Variants in ASMTL observed in about 807,000 individuals in gnomAD.
ASMTL encodes probable bifunctional dTTP/UTP pyrophosphatase/methyltransferase protein.
ASMTL carries 57 observed loss-of-function variants against 60.3 expected under a neutral mutation model. The ratio of observed to expected loss-of-function variants is 0.95; its 90% confidence interval spans 0.76 to 1.18. The LOEUF is 1.18. ASMTL is among the 50% of genes most tolerant of loss of function. The pLI, the probability that ASMTL is intolerant of heterozygous loss-of-function variation, is 0.00. For missense variants in ASMTL, 981 were observed against 852.6 expected (o/e 1.15, Z -1.88); for synonymous variants, 419 against 373.0 (o/e 1.12, Z -1.42).
In ASMTL at chrX:1,439,148, TAAGAAAAC is replaced by T; in HGVS notation, c.226-12_226-5del. 1 of 1,613,948 alleles carries T rather than the reference TAAGAAAAC, an allele frequency of 6.2e-7. No individual in the cohort carries two copies. The highest frequency in any genetic ancestry group is 8.5e-7 in the Non-Finnish European group (1 of 1,179,812). On this transcript the variant is annotated splice_region_variant and splice_polypyrimidine_tract_variant and intron_variant, in intron 2 of 12. Coordinates refer to ENST00000381317, the MANE Select transcript of ASMTL (RefSeq NM_004192.4). ...CGTCGGGGGCCCGCAGGTCTTTCTGTAAGAAAACCAGATTCCGGTTTACCGGTGACGTG... is the reference window on the plus strand; with the variant it reads ...CGTCGGGGGCCCGCAGGTCTTTCTGTCAGATTCCGGTTTACCGGTGACGTG...
Position 1,417,957 on chromosome X carries a change from C to T in ASMTL, c.1522+16G>A, listed in dbSNP as rs761561824. ...GTCTGGAAAAGGTTAGCAGGGTGAACAGGAGGAGGGCTCACCTGCTGCGAA... is the reference window on the plus strand; with the variant it reads ...GTCTGGAAAAGGTTAGCAGGGTGAATAGGAGGAGGGCTCACCTGCTGCGAA... On this transcript the variant is annotated intron_variant, in intron 11 of 12. Coordinates refer to ENST00000381317, the MANE Select transcript of ASMTL (RefSeq NM_004192.4). 2 of 1,595,232 alleles carry T rather than the reference C, an allele frequency of 1.3e-6. No homozygotes were observed.
At chrX:1,442,045 A>G in intron 2 of ASMTL, 141 bp downstream of exon 2, 1 of 907,652 alleles carries the variant, frequency 1.1e-6, no homozygotes, top group Non-Finnish European at 1.7e-6. Context: ...GCATTACATT[A>G]TAACATAGCA....
Position 1,419,031 on chromosome X carries a change from C to T in ASMTL, c.1329G>A (p.Val443=), listed in dbSNP as rs1402516353. The T allele has an allele frequency of 1.9e-6, 3 of 1,611,628 alleles. No individual in the cohort carries two copies. In the South Asian group the frequency reaches 3.3e-5, roughly 18 times the overall value. Reference sequence around the variant, plus strand: ...AGCGGGACAGATTGAAGGCCGTGGCCACCTGGCACGCAGTCAGCTTCGTCA... The same window carrying T: ...AGCGGGACAGATTGAAGGCCGTGGCTACCTGGCACGCAGTCAGCTTCGTCA... ...HGMTKLTACQ[V]ATAFNLSRFS... is the part of the protein sequence containing the mutation. The change falls in exon 10 of 13, where the codon GTG becomes GTA. Residue 443 remains valine, a synonymous_variant. Coordinates refer to ENST00000381317, the MANE Select transcript of ASMTL (RefSeq NM_004192.4).
rs183505745 is a variant in ASMTL at position 1,427,749 on chromosome X, G to T, written c.882C>A (p.Gly294=). 1 of 1,611,040 alleles carries T rather than the reference G, an allele frequency of 6.2e-7. No homozygotes were observed. Among genetic ancestry groups the T allele is most frequent in the Admixed American group, 1.7e-5 (1 of 59,942 alleles). The stretch of plus-strand genomic sequence containing the variant: ...ACACAGGTACCTTGGATAGCATAAA[G>T]CCCTCAATCAGCTCCAGGAGGCGTG... The part of the protein sequence containing the change: ...FPTRLLELIE[G]FMLSKGLLTA... The change falls in exon 7 of 13, where the codon GGC becomes GGA. Residue 294 remains glycine, a synonymous_variant. Coordinates refer to ENST00000381317, the MANE Select transcript of ASMTL (RefSeq NM_004192.4).
rs190953228 is a variant in ASMTL at position 1,406,748 on chromosome X, G to A, written c.1646-3259C>T. On this transcript the variant is annotated intron_variant, in intron 12 of 12. Transcript: ENST00000381317. ...GATTAGTGAATAGATGGTAGATGATGGGTAGGTAGGTAGATGAATGGATAG... is the reference window on the plus strand; with the variant it reads ...GATTAGTGAATAGATGGTAGATGATAGGTAGGTAGGTAGATGAATGGATAG... Among the ~76,000 whole-genome samples, 714 of 151,928 alleles carry A rather than the reference G, an allele frequency of 4.7e-3. 8 individuals carry two copies. Among genetic ancestry groups the A allele is most frequent in the African/African-American group, 0.016 (675 of 41,408 alleles).
chrX:1,443,630 TCGTGGACAGACACC>T (rs1328960516), intron 1 of ASMTL, among the ~76,000 whole-genome samples: 36 of 147,284 alleles, frequency 2.4e-4, no homozygotes, highest in Non-Finnish European at 4.9e-4. Context: ...GACACCGCCA[TCGTGGACAGACACC>T]GCCATCATGG....
chrX:1,443,347 GACACCGCCATCTTGGACAC>G (rs2091157076), intron 1 of ASMTL, among the ~76,000 whole-genome samples: 1 of 41,922 alleles, frequency 2.4e-5, no homozygotes, highest in Non-Finnish European at 7.4e-5. Flanking sequence ...ATCTTGGACA[GACACCGCCATCTTGGACAC>G]ACACCACCAT....
At chrX:1,417,024 C>CA (rs1569532225) in intron 11 of ASMTL, among the ~76,000 whole-genome samples, 1 of 22,916 alleles carries the variant, frequency 4.4e-5, no homozygotes, top group Admixed American at 9.9e-4. Flanking sequence ...CAGAAACACA[C>CA]AGAGACACAG....
chrX:1,404,081 C>A lies in ASMTL; in HGVS notation c.1646-592G>T, dbSNP rs781311735. Among the ~76,000 whole-genome samples the A allele has an allele frequency of 3.1e-5, 4 of 129,572 alleles. No homozygotes were observed. In the South Asian group the frequency reaches 7.5e-4, roughly 24 times the overall value. 85.0% of individuals were successfully genotyped at this position (129,572 alleles called of 152,430 possible). A position where few individuals can be genotyped will look rare whatever the true frequency, so the allele number is the denominator to read the frequency against. ...TGGATGGATGGGTGAATAGATGGTA[C>A]ATGATGGGTAGGTAGGAAGATGAAT... is the stretch of plus-strand genomic sequence containing the variant. On this transcript the variant is annotated intron_variant, in intron 12 of 12. Coordinates refer to ENST00000381317, the MANE Select transcript of ASMTL (RefSeq NM_004192.4).
intron 1 of ASMTL, among the ~76,000 whole-genome samples, chrX:1,449,438 C>A (rs1422166997): frequency 6.6e-6 from 1 of 151,788 alleles, no homozygotes; most frequent in Non-Finnish European, 1.5e-5. Context: ...TCATGGAGAC[C>A]CATGCCTTCT....
upstream of ASMTL, among the ~76,000 whole-genome samples, chrX:1,453,269 C>T (rs1443950484): frequency 9.1e-6 from 1 of 110,490 alleles, no homozygotes; most frequent in Non-Finnish European, 2.0e-5. Context: ...CACCTCCTTG[C>T]CCTCTCCGCC....
intron 12 of ASMTL, among the ~76,000 whole-genome samples, chrX:1,411,438 C>G (rs1357481036): frequency 6.6e-6 from 1 of 152,214 alleles, no homozygotes; most frequent in African/African-American, 2.4e-5. Flanking sequence ...GCTGGTTCAA[C>G]TGTGGAAACC....
intron 12 of ASMTL, among the ~76,000 whole-genome samples, chrX:1,410,636 A>C (rs1355548146): frequency 6.6e-6 from 1 of 151,816 alleles, no homozygotes; most frequent in Non-Finnish European, 1.5e-5. Flanking sequence ...CTGGTCTCGA[A>C]CTCCTGACCT....
rs369249838 is a variant in ASMTL, at chrX:1,427,777, G to A, written c.854C>T (p.Pro285Leu). ...CTCAATCAGCTCCAGGAGGCGTGTC[G>A]GGAACGGAGGCAGGGTCTCCCGAGT... ...HRTRETLPPF[P>L]TRLLELIEGF... The change falls in exon 7 of 13, where the codon CCG becomes CTG. Residue 285 changes from proline (P) to leucine (L), a missense_variant. Coordinates refer to ENST00000381317, the MANE Select transcript of ASMTL (RefSeq NM_004192.4). 1.9e-5 allele frequency: 30 copies of A among 1,612,838 alleles called. No individual in the cohort carries two copies. The highest frequency in any genetic ancestry group is 1.7e-4 in the Middle Eastern group (1 of 6,004).
At chrX:1,448,746 A>G (rs1177039878) in intron 1 of ASMTL, among the ~76,000 whole-genome samples, 38 of 147,118 alleles carry the variant, frequency 2.6e-4, no homozygotes, top group East Asian at 2.5e-3. Flanking sequence ...GACACACACC[A>G]CCATCTTGGA....
chrX:1,423,072 C>A (rs1485362034), intron 8 of ASMTL, among the ~76,000 whole-genome samples: 1 of 152,164 alleles, frequency 6.6e-6, no homozygotes, highest in Non-Finnish European at 1.5e-5. Context: ...CCTCCCTCAG[C>A]CTCCCGAGTA....
chrX:1,440,656 G>T (rs1330591337), intron 2 of ASMTL, among the ~76,000 whole-genome samples: 1 of 152,086 alleles, frequency 6.6e-6, no homozygotes, highest in Non-Finnish European at 1.5e-5. Context: ...TATTACGGTG[G>T]GGTGCGGTGG....
At chrX:1,420,043 C>CTG (rs1399359222) in intron 9 of ASMTL, among the ~76,000 whole-genome samples, 3 of 62,348 alleles carry the variant, frequency 4.8e-5, no homozygotes, top group African/African-American at 1.0e-4. Context: ...GTCTCTGTCT[C>CTG]TATGTCTGTC....
At chrX:1,442,059 G>T in intron 2 of ASMTL, 127 bp downstream of exon 2, 1 of 1,061,222 alleles carries the variant, frequency 9.4e-7, no homozygotes, top group South Asian at 1.5e-5. Context: ...CATAGCAATA[G>T]CTAAGCTGTG....
Sources: gnomAD v4.1 joint callset for allele counts (sites outside exome capture counted in the v4.1 genomes callset) on GRCh38, gnomAD v4.1.1 for gene constraint, MANE v1.5 for transcripts, NCBI Gene and HGNC (gene_info 2026-07-23, HGNC 2026-07-21) for gene names.